The following NCLN variants were observed in gnomAD, a reference collection of about 807,000 sequenced individuals.
The protein encoded by NCLN is nicalin.
In NCLN, 34 loss-of-function variants were observed where a neutral mutation model predicts 69.5. That is an observed-to-expected ratio of 0.49 (90% confidence interval 0.37 to 0.65). The LOEUF (loss-of-function observed/expected upper bound fraction) is 0.65, where lower values mean the gene tolerates loss of function less well. NCLN is among the 30% of genes least tolerant of loss of function. NCLN has a pLI of 0.00. For synonymous variants in NCLN, 393 were observed against 358.3 expected, an observed-to-expected ratio of 1.10 and a Z score of -1.09; for missense variants, 710 against 804.8, an observed-to-expected ratio of 0.88 and a Z score of 1.42.
intron 5 of NCLN, among the ~76,000 whole-genome samples, chr19:3,200,078 C>G (rs1176866844): frequency 6.6e-6 from 1 of 151,882 alleles, no homozygotes; most frequent in African/African-American, 2.4e-5. Context: ...GGCTGAGTGC[C>G]CGACCCCTTG....
intron 1 of NCLN, among the ~76,000 whole-genome samples, 157 bp downstream of exon 1, chr19:3,186,371 G>C (rs933282722): frequency 5.9e-5 from 9 of 152,088 alleles, no homozygotes; most frequent in African/African-American, 1.9e-4. Flanking sequence ...GGACCCCCGG[G>C]CGCCCTGGAA....
In NCLN at chr19:3,203,859, G is replaced by GT. The variant is rs1200558526; in HGVS notation, c.889+16dup. The GT allele has an allele frequency of 6.2e-7, 1 of 1,608,782 alleles. No homozygotes were observed. The highest frequency in any genetic ancestry group is 8.5e-7 in the Non-Finnish European group (1 of 1,178,164). ...GGACCACACAGGTGAGCGGCCCCGG[G>GT]TGGGGGTGGGGGTGCCGCGGTGGTG... On this transcript the variant is annotated intron_variant, in intron 7 of 14. Transcript: ENST00000246117.
rs71164662 is a variant in NCLN, at chr19:3,199,689, C to CTTTTT, written c.696+815_696+819dup. ...GTGTCAACCAGCACCCTGCCTCCTC[C>CTTTTT]TTTTTTTTTTTTTTTTTTTTTTTTT... On this transcript the variant is annotated intron_variant, in intron 5 of 14. Transcript: ENST00000246117. 1.3e-4 allele frequency among the ~76,000 whole-genome samples: 9 copies of CTTTTT among 69,544 alleles called. 1 individual carries two copies. Among genetic ancestry groups the CTTTTT allele is most frequent in the African/African-American group, 4.1e-4 (6 of 14,564 alleles). The allele number at this position is 69,544 out of a possible 152,430, so 45.6% of individuals were successfully genotyped here. A position where few individuals can be genotyped will look rare whatever the true frequency, so the allele number is the denominator to read the frequency against.
Position 3,198,814 on chromosome 19 carries a change from C to A in NCLN, c.616-3C>A. On this transcript the variant is annotated splice_region_variant and splice_polypyrimidine_tract_variant and intron_variant, in intron 4 of 14. Coordinates refer to ENST00000246117, the MANE Select transcript of NCLN (RefSeq NM_020170.4). ...AGGCCATTCCCCTGCTCTCTATCCA[C>A]AGGGGCGGCTGACGGGGCTGGGCGG... The A allele has an allele frequency of 6.3e-7, 1 of 1,582,278 alleles. No homozygotes were observed. Among genetic ancestry groups the A allele is most frequent in the Non-Finnish European group, 8.6e-7 (1 of 1,165,374 alleles).
intron 14 of NCLN, 47 bp downstream of exon 14, chr19:3,207,516 G>A (rs769474174): frequency 6.2e-7 from 1 of 1,609,202 alleles, no homozygotes; most frequent in African/African-American, 1.3e-5. Flanking sequence ...CCCGCCGGGA[G>A]GAGCTGGGCT....
Position 3,205,699 on chromosome 19 carries a change from A to G in NCLN, c.1209-240A>G. ...CCGAGTCAGAAGGAACCAAGGCCTC[A>G]GGGCGTGAGCCTTACCTGCGCACAG... On this transcript the variant is annotated intron_variant, in intron 9 of 14. Coordinates refer to ENST00000246117, the MANE Select transcript of NCLN (RefSeq NM_020170.4). This position sits in a 1 kb window ranked among gnomAD's most constrained non-coding sequence, Gnocchi z 4.6. 1 of 518,762 alleles carries G rather than the reference A, an allele frequency of 1.9e-6. No homozygotes were observed. The highest frequency in any genetic ancestry group is 3.4e-6 in the Non-Finnish European group (1 of 292,786). 32.1% of individuals were successfully genotyped at this position (518,762 alleles called of 1,614,324 possible). A position where few individuals can be genotyped will look rare whatever the true frequency, so the allele number is the denominator to read the frequency against.
chr19:3,204,139 G>T lies in NCLN; in HGVS notation c.1024G>T (p.Glu342Ter). 6.6e-7 allele frequency: 1 copy of T among 1,510,510 alleles called. No homozygotes were observed. The highest frequency in any genetic ancestry group is 2.3e-5 in the East Asian group (1 of 43,614). The allele number at this position is 1,510,510 out of a possible 1,614,324, so 93.6% of individuals were successfully genotyped here. ...GCAGCACGCCTTCCTGCGGGAGCTG[G>T]AGACGGTGGGTGCCCCTTTCATGGA... The part of the protein sequence containing the change: ...TLQHAFLREL[E>*]TVAAHQFPEV... The change falls in exon 8 of 15, where the codon GAG (glutamate) becomes TAG (stop). Residue 342 changes from glutamate to a stop codon, truncating the protein, a stop_gained. Coordinates refer to ENST00000246117, the MANE Select transcript of NCLN (RefSeq NM_020170.4). LOFTEE classifies it high-confidence loss of function.
intron 14 of NCLN, 41 bp downstream of exon 14, chr19:3,207,510 C>T: frequency 6.2e-7 from 1 of 1,610,082 alleles, no homozygotes. Flanking sequence ...GGGCCGCCCG[C>T]CGGGAGGAGC....
chr19:3,187,680 A>G (rs943000939), intron 1 of NCLN, among the ~76,000 whole-genome samples: 3 of 152,144 alleles, frequency 2.0e-5, no homozygotes, highest in African/African-American at 7.2e-5. Flanking sequence ...GAGGCCAGGG[A>G]CGCTGCTCAA....
chr19:3,193,267 G>T lies in NCLN; in HGVS notation c.376-17G>T. 1 of 1,602,856 alleles carries T rather than the reference G, an allele frequency of 6.2e-7. No individual in the cohort carries two copies. ...CCACCAGGCCAGCAGCCCCCTAAGT[G>T]TGTGTCTGCTCCACAGCAATTCATG... On this transcript the variant is annotated splice_polypyrimidine_tract_variant and intron_variant, in intron 2 of 14. Transcript: ENST00000246117.
At position 3,198,992 on chromosome 19, in the gene NCLN, C is replaced by T. The variant is rs74408236; in HGVS notation, c.696+95C>T. 3.2e-4 allele frequency: 278 copies of T among 879,986 alleles called. 1 individual carries two copies. The East Asian group carries it at 6.8e-3, about 21-fold the overall frequency. The allele number at this position is 879,986 out of a possible 1,614,324, so 54.5% of individuals were successfully genotyped here. On this transcript the variant is annotated intron_variant, in intron 5 of 14. Coordinates refer to ENST00000246117, the MANE Select transcript of NCLN (RefSeq NM_020170.4). Reference sequence around the variant, plus strand: ...CAAAGCGCCTGTAGGGGATGGCGGCCAGGGTCAGCGGCTCTCCCTGTGACG... The same window carrying T: ...CAAAGCGCCTGTAGGGGATGGCGGCTAGGGTCAGCGGCTCTCCCTGTGACG...
chr19:3,208,117 GTGTC>G lies in NCLN; in HGVS notation c.*434_*437del, dbSNP rs1916326539. ...GCAGGCCTGACCTGCTCCCTGCTCC[GTGTC>G]TGTCCTAGGACGTCCCCTCCCGCTC... On this transcript the variant is annotated 3_prime_UTR_variant, in exon 15 of 15. Transcript: ENST00000246117. 1 of 187,230 alleles carries G rather than the reference GTGTC, an allele frequency of 5.3e-6. No homozygotes were observed. The highest frequency in any genetic ancestry group is 2.4e-5 in the African/African-American group (1 of 42,318). 11.6% of individuals were successfully genotyped at this position (187,230 alleles called of 1,614,324 possible). A position where few individuals can be genotyped will look rare whatever the true frequency, so the allele number is the denominator to read the frequency against.
chr19:3,201,741 C>CT, intron 6 of NCLN, 115 bp downstream of exon 6: 1 of 881,670 alleles, frequency 1.1e-6, no homozygotes, highest in Non-Finnish European at 1.7e-6. Flanking sequence ...CCAAAGTGGG[C>CT]CTGAGCCCAG....
At chr19:3,187,240 A>G (rs1406029502) in intron 1 of NCLN, among the ~76,000 whole-genome samples, 1 of 152,136 alleles carries the variant, frequency 6.6e-6, no homozygotes, top group Non-Finnish European at 1.5e-5. Context: ...CCCAGTGTCT[A>G]GACCATTCCA....
chr19:3,189,507 A>G (rs1034844393), intron 1 of NCLN, among the ~76,000 whole-genome samples: 2 of 152,130 alleles, frequency 1.3e-5, no homozygotes, highest in Non-Finnish European at 2.9e-5. Flanking sequence ...CCGAGAGGGG[A>G]AAGGTTGGCC....
intron 3 of NCLN, among the ~76,000 whole-genome samples, chr19:3,195,493 C>G (rs1915932531): frequency 6.6e-6 from 1 of 152,154 alleles, no homozygotes; most frequent in Non-Finnish European, 1.5e-5. Context: ...TCGTGATTCG[C>G]CCGCCTCGGC....
intron 3 of NCLN, 47 bp from the exon 4 acceptor site, chr19:3,196,136 G>A: frequency 1.4e-6 from 2 of 1,412,930 alleles, no homozygotes; most frequent in South Asian, 1.3e-5. Context: ...CCCCCTGGCT[G>A]GGGCCCTGGC....
chr19:3,193,442 T>C lies in NCLN; in HGVS notation c.520+14T>C, dbSNP rs2144900407. 1.3e-6 allele frequency: 2 copies of C among 1,588,496 alleles called. No homozygotes were observed. Among genetic ancestry groups the C allele is most frequent in the Non-Finnish European group, 8.5e-7 (1 of 1,170,902 alleles). On this transcript the variant is annotated intron_variant, in intron 3 of 14. Transcript: ENST00000246117. ...CTGCTGCTGAAGGTGTGCTCTGGGCTGCAGGGACGGGGCCCGTGGGCGTGG... is the reference window on the plus strand; with the variant it reads ...CTGCTGCTGAAGGTGTGCTCTGGGCCGCAGGGACGGGGCCCGTGGGCGTGG...
intron 5 of NCLN, among the ~76,000 whole-genome samples, chr19:3,199,884 T>C (rs914458152): frequency 5.3e-5 from 8 of 151,620 alleles, no homozygotes; most frequent in Non-Finnish European, 1.2e-4. Context: ...TTATTTTTAG[T>C]AGAGACGGGG....
Sources: gnomAD v4.1 joint callset for allele counts (sites outside exome capture counted in the v4.1 genomes callset) on GRCh38, gnomAD v4.1.1 for gene constraint, Gnocchi (gnomAD v3.1) non-coding constraint, MANE v1.5 for transcripts, NCBI Gene and HGNC (gene_info 2026-07-23, HGNC 2026-07-21) for gene names.